The following RANBP2 variants were observed in gnomAD, a reference collection of about 807,000 sequenced individuals.
RANBP2 encodes the protein E3 SUMO-protein ligase RanBP2.
A neutral mutation model predicts 303.6 loss-of-function variants in RANBP2; 57 were observed. The observed-to-expected ratio is 0.19, with a 90% CI of 0.15 to 0.23. RANBP2 has a LOEUF of 0.23. RANBP2 is among the 10% of genes least tolerant of loss of function. The pLI, the probability that RANBP2 is intolerant of heterozygous loss-of-function variation, is 1.00. For synonymous variants in RANBP2, 1,167 were observed against 1,301.5 expected (o/e 0.90, Z 2.23); for missense variants, 3,138 against 3,780.8 (o/e 0.83, Z 4.46).
chr2:108,821,887 C>T, the RANBP2 span, among the ~76,000 whole-genome samples: 7 of 146,224 alleles, frequency 4.8e-5, no homozygotes, highest in African/African-American at 1.5e-4. Context: ...GAGATTGTGC[C>T]ACTGCGCTCC....
Position 108,754,949 on chromosome 2 carries a change from C to T in RANBP2, c.2247C>T (p.Val749=). 1 of 1,611,812 alleles carries T rather than the reference C, an allele frequency of 6.2e-7. No individual in the cohort carries two copies. The highest frequency in any genetic ancestry group is 8.5e-7 in the Non-Finnish European group (1 of 1,179,802). Residue 749 remains valine (V), a synonymous_variant, in exon 16 of 29, where the codon GTC becomes GTT. Transcript: ENST00000283195. ...LESVKEMLNS[V]MQELEDYSEG... ...CTGTAAAAGAGATGCTTAATTCAGT[C>T]ATGCAGGAACTCGAAGACTATAGTG...
chr2:109,130,671 A>T, the RANBP2 span, among the ~76,000 whole-genome samples: 1 of 152,018 alleles, frequency 6.6e-6, no homozygotes, highest in Non-Finnish European at 1.5e-5. Flanking sequence ...GAGCCTTTTG[A>T]CCCAGCCCTT....
At chr2:109,179,880 T>G in the RANBP2 span, among the ~76,000 whole-genome samples, 1 of 152,186 alleles carries the variant, frequency 6.6e-6, no homozygotes, top group African/African-American at 2.4e-5. Context: ...GTGCTCCTTA[T>G]CGCAGGAAAA....
the RANBP2 span, among the ~76,000 whole-genome samples, chr2:109,405,331 G>A: frequency 6.6e-5 from 10 of 152,014 alleles, no homozygotes; most frequent in East Asian, 3.9e-4. Flanking sequence ...AACACTCTTC[G>A]TCTTCGCTAA....
the RANBP2 span, among the ~76,000 whole-genome samples, chr2:109,303,245 A>T: frequency 1.3e-5 from 2 of 152,206 alleles, no homozygotes; most frequent in Non-Finnish European, 2.9e-5. Flanking sequence ...CCCCAACAGG[A>T]TCTGAGGACC....
At chr2:109,593,019 C>A in the RANBP2 span, 6 of 1,430,318 alleles carry the variant, frequency 4.2e-6, no homozygotes, top group Non-Finnish European at 5.7e-6. Flanking sequence ...ATTTAGAGTA[C>A]AATATGGTAT....
the RANBP2 span, among the ~76,000 whole-genome samples, chr2:109,706,236 C>A: frequency 6.6e-6 from 1 of 152,350 alleles, no homozygotes; most frequent in South Asian, 2.1e-4. Flanking sequence ...GTGCCACCCC[C>A]TGCTCACACC....
At chr2:109,697,415 G>A in the RANBP2 span, among the ~76,000 whole-genome samples, 1 of 151,828 alleles carries the variant, frequency 6.6e-6, no homozygotes, top group Non-Finnish European at 1.5e-5. Flanking sequence ...AACCTGGGAG[G>A]CAGAGGTTGC....
At chr2:109,104,046 G>A in the RANBP2 span, among the ~76,000 whole-genome samples, 10 of 152,210 alleles carry the variant, frequency 6.6e-5, no homozygotes, top group Admixed American at 4.6e-4. Flanking sequence ...CGCCCGCCTC[G>A]GCCTCCCGAA....
the RANBP2 span, among the ~76,000 whole-genome samples, chr2:109,608,319 C>T: frequency 6.6e-6 from 1 of 152,130 alleles, no homozygotes; most frequent in African/African-American, 2.4e-5. Flanking sequence ...CAATATACTC[C>T]CTACCTAATA....
chr2:109,216,944 C>T, the RANBP2 span, among the ~76,000 whole-genome samples: 6,789 of 152,240 alleles, frequency 0.045, 492 homozygotes, highest in African/African-American at 0.15. Flanking sequence ...CACTTAACTC[C>T]CCATTCCTCC....
chr2:109,608,513 CAT>C, the RANBP2 span, among the ~76,000 whole-genome samples: 1 of 152,166 alleles, frequency 6.6e-6, no homozygotes, highest in Non-Finnish European at 1.5e-5. Flanking sequence ...GTTCCTTGGT[CAT>C]ATGATCTTAG....
At chr2:109,107,472 C>T in the RANBP2 span, among the ~76,000 whole-genome samples, 7 of 152,244 alleles carry the variant, frequency 4.6e-5, no homozygotes, top group East Asian at 1.9e-4. Context: ...TTGTTGCTTC[C>T]GGCATCTCTG....
In RANBP2 at chr2:108,784,060, T is replaced by C. The variant is rs1314369796; in HGVS notation, c.*159T>C. 2.9e-6 allele frequency: 2 copies of C among 686,918 alleles called. No individual in the cohort carries two copies. The allele number at this position is 686,918 out of a possible 1,614,324, so 42.6% of individuals were successfully genotyped here. A position where few individuals can be genotyped will look rare whatever the true frequency, so the allele number is the denominator to read the frequency against. On this transcript the variant is annotated 3_prime_UTR_variant, in exon 29 of 29. Coordinates refer to ENST00000283195, the MANE Select transcript of RANBP2 (RefSeq NM_006267.5). The stretch of plus-strand genomic sequence containing the variant: ...GCTGTTGTCACTTTTTAATGTGTTA[T>C]AATTGACCTTGCATGGTGTGAAATA...
chr2:109,680,927 G>A, the RANBP2 span, among the ~76,000 whole-genome samples: 2 of 152,146 alleles, frequency 1.3e-5, no homozygotes, highest in Non-Finnish European at 2.9e-5. Flanking sequence ...ATCTATGAAA[G>A]TTAAACATTC....
At chr2:109,461,825 C>A in the RANBP2 span, among the ~76,000 whole-genome samples, 6 of 152,264 alleles carry the variant, frequency 3.9e-5, no homozygotes, top group South Asian at 1.2e-3. Context: ...TTTTTTTGTT[C>A]TAGGTCCTAC....
the RANBP2 span, among the ~76,000 whole-genome samples, chr2:109,131,185 T>G: frequency 6.6e-6 from 1 of 152,154 alleles, no homozygotes; most frequent in Non-Finnish European, 1.5e-5. Context: ...TCTCTAAGGT[T>G]AAGGTTAGGA....
the RANBP2 span, among the ~76,000 whole-genome samples, chr2:109,145,857 G>A: frequency 2.0e-5 from 3 of 152,154 alleles, no homozygotes; most frequent in Non-Finnish European, 2.9e-5. Context: ...AAGGCAGGAC[G>A]GAGCCGCAGA....
At chr2:109,352,252 G>A in the RANBP2 span, among the ~76,000 whole-genome samples, 6 of 152,168 alleles carry the variant, frequency 3.9e-5, no homozygotes, top group Non-Finnish European at 8.8e-5. Context: ...CCGTCAGATG[G>A]TACATATCAC....
Sources: allele counts gnomAD v4.1 joint callset (sites outside exome capture counted in the v4.1 genomes callset), GRCh38; gene constraint gnomAD v4.1.1; transcripts MANE v1.5; gene names NCBI Gene and HGNC (gene_info 2026-07-23, HGNC 2026-07-21).